Variants in C16orf78 observed in about 807,000 individuals in gnomAD.
C16orf78 encodes uncharacterized protein C16orf78.
Under a neutral mutation model 27.3 loss-of-function variants are expected in C16orf78, and 19 were observed. That is an observed-to-expected ratio of 0.70 (90% CI 0.49 to 1.02). The LOEUF is 1.02. Among genes scored for constraint, C16orf78 ranks in the 50% least tolerant of loss-of-function variants. C16orf78 has a pLI of 0.00. For synonymous variants in C16orf78, 130 were observed against 116.1 expected, an observed-to-expected ratio of 1.12 and a Z score of -0.77; for missense variants, 339 against 337.0, an observed-to-expected ratio of 1.01 and a Z score of -0.05.
intron 3 of C16orf78, among the ~76,000 whole-genome samples, chr16:49,394,805 A>G (rs1434579642): frequency 6.7e-6 from 1 of 150,208 alleles, no homozygotes; most frequent in Non-Finnish European, 1.5e-5. Context: ...AATTCTAGTT[A>G]AAAAGTAATA....
rs1965377370 is a variant in C16orf78, at chr16:49,388,668, T to A, written c.395-7755T>A. ...CTGGGATTACAGGTGCACGCCACCATGGCCAGCAAATTTTTGTATTTTTTT... is the reference window on the plus strand; with the variant it reads ...CTGGGATTACAGGTGCACGCCACCAAGGCCAGCAAATTTTTGTATTTTTTT... On this transcript the variant is annotated intron_variant, in intron 3 of 4. Coordinates refer to ENST00000299191, the MANE Select transcript of C16orf78 (RefSeq NM_144602.4). 2.6e-5 allele frequency among the ~76,000 whole-genome samples: 4 copies of A among 152,266 alleles called. No individual in the cohort carries two copies. In the South Asian group the frequency reaches 8.3e-4, roughly 32 times the overall value.
intron 3 of C16orf78, among the ~76,000 whole-genome samples, chr16:49,390,530 C>T (rs1255644238): frequency 6.6e-6 from 1 of 152,132 alleles, no homozygotes; most frequent in Non-Finnish European, 1.5e-5. Flanking sequence ...ATTTTTATTT[C>T]AAATATTGTT....
At chr16:49,376,172 C>T (rs1965214630) in intron 1 of C16orf78, among the ~76,000 whole-genome samples, 1 of 152,198 alleles carries the variant, frequency 6.6e-6, no homozygotes, top group East Asian at 1.9e-4. Flanking sequence ...ACTCAGGGCC[C>T]TCTGTGACCT....
intron 3 of C16orf78, among the ~76,000 whole-genome samples, chr16:49,380,027 T>C (rs1382856904): frequency 2.0e-5 from 3 of 152,204 alleles, no homozygotes; most frequent in Non-Finnish European, 4.4e-5. Context: ...TCCTCTGGCC[T>C]TCGTCTTTCT....
intron 3 of C16orf78, among the ~76,000 whole-genome samples, chr16:49,384,147 G>A (rs1309917858): frequency 1.3e-5 from 2 of 152,064 alleles, no homozygotes; most frequent in Admixed American, 1.3e-4. Flanking sequence ...TAGGGAGTTC[G>A]AGACCAGCCT....
At chr16:49,383,063 C>T (rs1002787778) in intron 3 of C16orf78, among the ~76,000 whole-genome samples, 1 of 152,210 alleles carries the variant, frequency 6.6e-6, no homozygotes, top group Non-Finnish European at 1.5e-5. Context: ...CCATTCAAGT[C>T]GAATCCACTC....
In C16orf78 at chr16:49,377,784, G is replaced by A; in HGVS notation, c.204G>A (p.Glu68=). The A allele has an allele frequency of 1.9e-6, 3 of 1,598,996 alleles. No homozygotes were observed. Among genetic ancestry groups the A allele is most frequent in the Non-Finnish European group, 2.6e-6 (3 of 1,172,542 alleles). The change falls in exon 2 of 5, where the codon GAG becomes GAA. Residue 68 remains glutamate (E), a synonymous_variant. Transcript: ENST00000299191. ...TVLKRNKKKE[E]KKGKGLMTAR... ...TTAAACGAAATAAGAAGAAGGAAGA[G>A]AAGAAAGGCAAAGGCCTCATGACAG...
chr16:49,398,092 A>G (rs1018745641), intron 4 of C16orf78, among the ~76,000 whole-genome samples: 1 of 152,228 alleles, frequency 6.6e-6, no homozygotes, highest in African/African-American at 2.4e-5. Flanking sequence ...CCCCATATAC[A>G]TATGCATGAG....
intron 3 of C16orf78, among the ~76,000 whole-genome samples, chr16:49,389,518 C>T (rs1255535789): frequency 1.3e-5 from 2 of 152,116 alleles, no homozygotes; most frequent in Admixed American, 1.3e-4. Context: ...ATCACTTGGA[C>T]CTGGGAAGCG....
chr16:49,381,974 T>C (rs1965292093), intron 3 of C16orf78, among the ~76,000 whole-genome samples: 5 of 151,908 alleles, frequency 3.3e-5, no homozygotes, highest in Non-Finnish European at 5.9e-5. Flanking sequence ...CATATGTTTA[T>C]TGCGGCATTA....
chr16:49,376,541 C>G (rs1405476044), intron 1 of C16orf78, among the ~76,000 whole-genome samples: 2 of 152,248 alleles, frequency 1.3e-5, no homozygotes, highest in Admixed American at 1.3e-4. Context: ...TGCACTGTTT[C>G]TCCACTAAAC....
intron 3 of C16orf78, among the ~76,000 whole-genome samples, chr16:49,395,219 CAG>C (rs1965457042): frequency 6.6e-6 from 1 of 152,116 alleles, no homozygotes; most frequent in African/African-American, 2.4e-5. Context: ...TTTTAAAAAA[CAG>C]TAGACTTTTC....
At chr16:49,392,525 A>G (rs539117567) in intron 3 of C16orf78, among the ~76,000 whole-genome samples, 13 of 152,388 alleles carry the variant, frequency 8.5e-5, no homozygotes, top group African/African-American at 2.6e-4. Context: ...TAAAAGAAAC[A>G]CATAGAGTAA....
intron 3 of C16orf78, among the ~76,000 whole-genome samples, chr16:49,386,214 A>T (rs962922621): frequency 6.6e-6 from 1 of 152,228 alleles, no homozygotes; most frequent in African/African-American, 2.4e-5. Context: ...AAAAAAATTA[A>T]CAGAACTGAA....
intron 1 of C16orf78, 47 bp downstream of exon 1, chr16:49,374,136 G>A: frequency 6.2e-7 from 1 of 1,605,714 alleles, no homozygotes; most frequent in Non-Finnish European, 8.5e-7. Context: ...ACTCAAGGTA[G>A]TTGCAGTAGG....
chr16:49,399,091 C>G (rs1310513919), intron 4 of C16orf78, 40 bp from the exon 5 acceptor site: 1 of 1,603,530 alleles, frequency 6.2e-7, no homozygotes, highest in Non-Finnish European at 8.5e-7. Context: ...GCTGCTGTGA[C>G]TCCACCTTCA....
At chr16:49,396,311 A>G (rs975289740) in intron 3 of C16orf78, 112 bp from the exon 4 acceptor site, 86 of 1,246,802 alleles carry the variant, frequency 6.9e-5, no homozygotes, top group South Asian at 1.3e-4. Context: ...ATATCTCAGA[A>G]CAGGTACGGT....
intron 1 of C16orf78, among the ~76,000 whole-genome samples, chr16:49,376,855 T>TGGATAGAG (rs532359728): frequency 1.3e-3 from 191 of 151,868 alleles, no homozygotes; most frequent in African/African-American, 4.0e-3. Context: ...CCCTCAGCCG[T>TGGATAGAG]GGATAGAGCA....
chr16:49,392,458 A>G lies in C16orf78; in HGVS notation c.395-3965A>G, dbSNP rs140027255. Among the ~76,000 whole-genome samples, 445 of 152,366 alleles carry G rather than the reference A, an allele frequency of 2.9e-3. 3 individuals are homozygous for G. The highest frequency in any genetic ancestry group is 0.01 in the Middle Eastern group (3 of 294). The stretch of plus-strand genomic sequence containing the variant: ...CAGGTGAGATAGAAAAGTTTATGAC[A>G]AAAGGAAAAGCAAAGAAACAACAAG... On this transcript the variant is annotated intron_variant, in intron 3 of 4. Transcript: ENST00000299191.
Sources: allele counts gnomAD v4.1 joint callset (sites outside exome capture counted in the v4.1 genomes callset), GRCh38; gene constraint gnomAD v4.1.1; transcripts MANE v1.5; gene names NCBI Gene and HGNC (gene_info 2026-07-23, HGNC 2026-07-21).